The following NDUFB5 variants were observed in gnomAD, a reference collection of about 807,000 sequenced individuals.
NDUFB5 encodes NADH dehydrogenase [ubiquinone] 1 beta subcomplex subunit 5, mitochondrial.
Under a neutral mutation model 19.4 loss-of-function variants are expected in NDUFB5, and 19 were observed. That is an observed-to-expected ratio of 0.98 (90% CI 0.68 to 1.43). NDUFB5 has a LOEUF of 1.43. Among genes scored for constraint, NDUFB5 ranks in the 40% most tolerant of loss-of-function variants. The probability of loss-of-function intolerance (pLI) is 0.00; values close to 1 mark genes in which losing one functional copy is unlikely to be tolerated. For missense variants in NDUFB5, 233 were observed against 236.5 expected, an observed-to-expected ratio of 0.99 and a Z score of 0.10; for synonymous variants, 80 against 82.6, an observed-to-expected ratio of 0.97 and a Z score of 0.17.
intron 5 of NDUFB5, among the ~76,000 whole-genome samples, chr3:179,623,680 A>T (rs1290774491): frequency 6.6e-6 from 1 of 152,186 alleles, no homozygotes; most frequent in Non-Finnish European, 1.5e-5. Flanking sequence ...TCTCAAAAAA[A>T]CAAAAACAAC....
chr3:179,618,463 A>T lies in NDUFB5; in HGVS notation c.391A>T (p.Lys131Ter). 6.2e-7 allele frequency: 1 copy of T among 1,612,192 alleles called. No homozygotes were observed. The highest frequency in any genetic ancestry group is 8.5e-7 in the Non-Finnish European group (1 of 1,179,576). Residue 131 changes from lysine (K) to a stop codon, truncating the protein, a stop_gained, in exon 5 of 6, where the codon AAG (lysine) becomes TAG (stop). Coordinates refer to ENST00000259037, the MANE Select transcript of NDUFB5 (RefSeq NM_002492.4). LOFTEE classifies it high-confidence loss of function. ...IARNFYDSPE[K>*]IYERTMAVLQ... ...CCGTAATTTCTATGATAGTCCTGAA[A>T]AGATATATGAAAGAACAATGGCCGT...
intron 3 of NDUFB5, among the ~76,000 whole-genome samples, chr3:179,616,558 T>A (rs1437066436): frequency 1.3e-5 from 2 of 151,706 alleles, no homozygotes; most frequent in Non-Finnish European, 2.9e-5. Flanking sequence ...AAAAAAAAAC[T>A]ATAATCCTCT....
intron 1 of NDUFB5, among the ~76,000 whole-genome samples, chr3:179,607,229 C>T (rs903669130): frequency 6.6e-6 from 1 of 152,178 alleles, no homozygotes; most frequent in Non-Finnish European, 1.5e-5. Context: ...TACCTGCTTT[C>T]AAAGGTATTT....
At chr3:179,610,956 GT>G (rs1719225137) in intron 1 of NDUFB5, among the ~76,000 whole-genome samples, 1 of 152,188 alleles carries the variant, frequency 6.6e-6, no homozygotes, top group African/African-American at 2.4e-5. Flanking sequence ...TATAGGGATA[GT>G]TTTAATAGGT....
At chr3:179,611,891 C>G (rs554070681) in intron 1 of NDUFB5, among the ~76,000 whole-genome samples, 22 of 152,152 alleles carry the variant, frequency 1.4e-4, no homozygotes, top group African/African-American at 4.8e-4. Context: ...CTTTAGAGAG[C>G]AGTGAAAGAT....
intron 1 of NDUFB5, among the ~76,000 whole-genome samples, chr3:179,611,102 C>T (rs767829790): frequency 7.2e-5 from 11 of 152,034 alleles, no homozygotes; most frequent in Non-Finnish European, 1.6e-4. Flanking sequence ...GACTACAAAG[C>T]CAACGTATCT....
Position 179,604,901 on chromosome 3 carries a change from T to C in NDUFB5, c.86T>C (p.Phe29Ser), listed in dbSNP as rs370731657. ...SGRPLGTRLG[F>S]GGFLTRGFPK... Reference sequence around the variant, plus strand: ...CGGCCCCTTGGCACTCGCCTCGGATTTGGGGGCTTCCTCACTCGTGGCTTT... The same window carrying C: ...CGGCCCCTTGGCACTCGCCTCGGATCTGGGGGCTTCCTCACTCGTGGCTTT... The change falls in exon 1 of 6, where the codon TTT becomes TCT. Residue 29 changes from phenylalanine (F) to serine (S), a missense_variant. Phe to Ser is a radical substitution (Grantham distance 155, BLOSUM62 -2). Coordinates refer to ENST00000259037, the MANE Select transcript of NDUFB5 (RefSeq NM_002492.4). 3.1e-6 allele frequency: 5 copies of C among 1,592,838 alleles called. No homozygotes were observed. Among genetic ancestry groups the C allele is most frequent in the African/African-American group, 1.4e-5 (1 of 73,316 alleles).
At chr3:179,618,622 A>G in intron 5 of NDUFB5, 101 bp downstream of exon 5, 1 of 767,340 alleles carries the variant, frequency 1.3e-6, no homozygotes, top group Non-Finnish European at 2.2e-6. Flanking sequence ...ACTATAGGAT[A>G]CTTTATGTAA....
chr3:179,625,963 T>G lies in NDUFB5; in HGVS notation c.*1923T>G, dbSNP rs2108407199. 1 of 152,388 alleles carries G rather than the reference T, an allele frequency of 6.6e-6. No homozygotes were observed. Among genetic ancestry groups the G allele is most frequent in the South Asian group, 2.1e-4 (1 of 4,828 alleles). 9.4% of individuals were successfully genotyped at this position (152,388 alleles called of 1,614,324 possible). On this transcript the variant is annotated 3_prime_UTR_variant, in exon 6 of 6. Transcript: ENST00000259037. ...TGGACACAGGTTGCAAAGGGATTGC[T>G]GGATTGTATGATAATTCTATGTGTA...
chr3:179,617,198 CGCG>C, intron 4 of NDUFB5, 154 bp downstream of exon 4: 3 of 503,500 alleles, frequency 6.0e-6, no homozygotes, highest in Non-Finnish European at 1.0e-5. Context: ...AGTGCAGTGG[CGCG>C]ATTTCAGCTC....
chr3:179,612,325 A>G (rs1284877840), intron 1 of NDUFB5, among the ~76,000 whole-genome samples: 2 of 151,630 alleles, frequency 1.3e-5, no homozygotes, highest in Admixed American at 6.6e-5. Flanking sequence ...GTCTCTGGAA[A>G]AAAAAAAAAA....
At chr3:179,615,244 C>T in intron 2 of NDUFB5, 185 bp downstream of exon 2, 1 of 381,414 alleles carries the variant, frequency 2.6e-6, no homozygotes, top group African/African-American at 2.0e-5. Flanking sequence ...ATTAGTGAAG[C>T]TTTCCTTCTT....
chr3:179,621,682 G>C (rs12637059), intron 5 of NDUFB5, among the ~76,000 whole-genome samples: 2 of 151,276 alleles, frequency 1.3e-5, no homozygotes, highest in South Asian at 2.1e-4. Context: ...TAGAGACCGG[G>C]TTTTGCCAGG....
chr3:179,617,092 C>T lies in NDUFB5; in HGVS notation c.342+48C>T, dbSNP rs199693421. 38 of 1,353,470 alleles carry T rather than the reference C, an allele frequency of 2.8e-5. 1 individual carries two copies. Among genetic ancestry groups the T allele is most frequent in the Middle Eastern group, 3.6e-4 (2 of 5,534 alleles). 83.8% of individuals were successfully genotyped at this position (1,353,470 alleles called of 1,614,324 possible). A position where few individuals can be genotyped will look rare whatever the true frequency, so the allele number is the denominator to read the frequency against. ...TACATACTGTTACATGCCTTGTCAA[C>T]GCACTAGTTAATGTCTTAATTCAGC... On this transcript the variant is annotated intron_variant, in intron 4 of 5. Transcript: ENST00000259037.
rs1228604585 is a variant in NDUFB5, at chr3:179,618,465, GAT to G, written c.398_399del (p.Tyr133Ter). 1 of 1,611,656 alleles carries G rather than the reference GAT, an allele frequency of 6.2e-7. No homozygotes were observed. Among genetic ancestry groups the G allele is most frequent in the Non-Finnish European group, 8.5e-7 (1 of 1,179,372 alleles). On this transcript the variant is annotated frameshift_variant, in exon 5 of 6. Coordinates refer to ENST00000259037, the MANE Select transcript of NDUFB5 (RefSeq NM_002492.4). LOFTEE classifies it high-confidence loss of function. ...GTAATTTCTATGATAGTCCTGAAAA[GAT>G]ATATGAAAGAACAATGGCCGTCCTT... ...ARNFYDSPEK[I>X]YERTMAVLQI...
At chr3:179,606,708 A>G (rs1197969529) in intron 1 of NDUFB5, among the ~76,000 whole-genome samples, 1 of 152,222 alleles carries the variant, frequency 6.6e-6, no homozygotes, top group Non-Finnish European at 1.5e-5. Context: ...ACTGTAAGCT[A>G]TTTGCCCTGT....
intron 5 of NDUFB5, among the ~76,000 whole-genome samples, chr3:179,622,031 A>C (rs1719552285): frequency 6.6e-6 from 1 of 152,038 alleles, no homozygotes; most frequent in East Asian, 1.9e-4. Flanking sequence ...GCAGTGTTGC[A>C]GTCATGGCTC....
intron 3 of NDUFB5, among the ~76,000 whole-genome samples, chr3:179,616,669 A>G (rs957694067): frequency 6.6e-6 from 1 of 152,240 alleles, no homozygotes; most frequent in Non-Finnish European, 1.5e-5. Context: ...GTTTTGTATC[A>G]TAGGTATAGG....
At chr3:179,617,887 A>G (rs1379482880) in intron 4 of NDUFB5, among the ~76,000 whole-genome samples, 1 of 152,206 alleles carries the variant, frequency 6.6e-6, no homozygotes, top group African/African-American at 2.4e-5. Flanking sequence ...ACTGCTACCA[A>G]AATCCAAAAT....
Sources: gnomAD v4.1 joint callset for allele counts (sites outside exome capture counted in the v4.1 genomes callset) on GRCh38, gnomAD v4.1.1 for gene constraint, MANE v1.5 for transcripts, NCBI Gene and HGNC (gene_info 2026-07-23, HGNC 2026-07-21) for gene names.